WWOX: variants seen among roughly 807,000 people sequenced by gnomAD.
WWOX encodes WW domain containing oxidoreductase.
WWOX carries 69 observed loss-of-function variants against 46.2 expected under a neutral mutation model. That is an observed-to-expected ratio of 1.49 (90% CI 1.23 to 1.82). WWOX has a LOEUF of 1.82. Ranked by LOEUF, WWOX falls within the 40% of genes most tolerant of loss-of-function variation. The pLI is 0.00. For synonymous variants in WWOX, 359 were observed against 202.6 expected (o/e 1.77, Z -6.56); for missense variants, 919 against 542.6 (o/e 1.69, Z -6.89).
intron 8 of WWOX, chr16:78,891,468 C>G (rs1310864181): frequency 6.6e-6 from 1 of 152,164 alleles, no homozygotes; most frequent in African/African-American, 2.4e-5. Flanking sequence ...GTAGAAGTGA[C>G]TGGATGGTAA....
At chr16:79,157,887 G>A (rs954734213) in intron 8 of WWOX, among the ~76,000 whole-genome samples, 7 of 152,294 alleles carry the variant, frequency 4.6e-5, no homozygotes, top group African/African-American at 1.7e-4. Flanking sequence ...AGGCTCTGGG[G>A]AAGAGGGGCT....
At chr16:79,127,583 G>C (rs1309395703) in intron 8 of WWOX, among the ~76,000 whole-genome samples, 1 of 152,162 alleles carries the variant, frequency 6.6e-6, no homozygotes, top group Non-Finnish European at 1.5e-5. Flanking sequence ...ACCTTGCACC[G>C]ACATCGCTTC....
At chr16:78,374,869 A>G (rs997473734) in intron 5 of WWOX, among the ~76,000 whole-genome samples, 3 of 151,842 alleles carry the variant, frequency 2.0e-5, no homozygotes, top group Non-Finnish European at 2.9e-5. Flanking sequence ...CATTTTTAGT[A>G]GAGACGGGTT....
At chr16:78,836,017 T>G (rs553722844) in intron 8 of WWOX, among the ~76,000 whole-genome samples, 106 of 152,348 alleles carry the variant, frequency 7.0e-4, no homozygotes, top group Admixed American at 1.2e-3. Flanking sequence ...TCAATGTATT[T>G]CAACTCCAAA....
intron 8 of WWOX, among the ~76,000 whole-genome samples, chr16:79,083,097 G>A (rs1188116581): frequency 6.6e-6 from 1 of 152,134 alleles, no homozygotes; most frequent in Non-Finnish European, 1.5e-5. Flanking sequence ...AATGAATGAA[G>A]AACCTGACAC....
intron 5 of WWOX, among the ~76,000 whole-genome samples, chr16:78,281,400 C>A (rs765551555): frequency 6.6e-6 from 1 of 152,166 alleles, no homozygotes; most frequent in Non-Finnish European, 1.5e-5. Context: ...CTAAGAATAG[C>A]TTTTTCTTTT....
intron 8 of WWOX, among the ~76,000 whole-genome samples, chr16:78,483,684 A>G (rs908028464): frequency 6.6e-6 from 1 of 152,264 alleles, no homozygotes; most frequent in East Asian, 1.9e-4. Flanking sequence ...TACTTACTCA[A>G]TAATGTGTGG....
intron 5 of WWOX, among the ~76,000 whole-genome samples, chr16:78,327,457 A>AT (rs1191156314): frequency 6.6e-6 from 1 of 152,100 alleles, no homozygotes; most frequent in East Asian, 1.9e-4. Context: ...AGCATGACCC[A>AT]CTGGGCAGGA....
intron 8 of WWOX, among the ~76,000 whole-genome samples, chr16:78,802,132 ACGTG>A (rs2142658241): frequency 6.6e-6 from 1 of 151,560 alleles, no homozygotes; most frequent in African/African-American, 2.4e-5. Context: ...CTTAGATCAG[ACGTG>A]CTTTTGAAAT....
intron 8 of WWOX, among the ~76,000 whole-genome samples, chr16:78,456,557 A>G (rs369232891): frequency 2.6e-5 from 4 of 152,186 alleles, no homozygotes; most frequent in Admixed American, 6.5e-5. Flanking sequence ...ATAGAACAAT[A>G]TTTTAACATA....
intron 8 of WWOX, among the ~76,000 whole-genome samples, chr16:78,688,219 T>G (rs1440641684): frequency 6.6e-6 from 1 of 151,894 alleles, no homozygotes; most frequent in Admixed American, 6.5e-5. Flanking sequence ...TCCAAATGTT[T>G]TGAAACGCAG....
intron 5 of WWOX, among the ~76,000 whole-genome samples, chr16:78,304,864 C>G (rs914755996): frequency 7.2e-5 from 11 of 152,190 alleles, no homozygotes; most frequent in Admixed American, 4.6e-4. Flanking sequence ...CCATTTGACA[C>G]ATTTCGCTAG....
intron 4 of WWOX, among the ~76,000 whole-genome samples, chr16:78,148,047 G>A (rs1025713953): frequency 1.3e-5 from 2 of 152,040 alleles, no homozygotes. Context: ...GGCCTCAATG[G>A]TGAAAGGAAA....
At chr16:79,035,886 C>T (rs1371666921) in intron 8 of WWOX, among the ~76,000 whole-genome samples, 1 of 152,256 alleles carries the variant, frequency 6.6e-6, no homozygotes, top group African/African-American at 2.4e-5. Context: ...TGAGCCACTA[C>T]ACCCAGCCAA....
intron 8 of WWOX, among the ~76,000 whole-genome samples, chr16:78,983,699 C>T (rs904561053): frequency 1.3e-5 from 2 of 151,998 alleles, no homozygotes; most frequent in East Asian, 1.9e-4. Context: ...TGAATGACTG[C>T]GTGGAGCACA....
chr16:78,868,212 C>T (rs1027928651), intron 8 of WWOX, among the ~76,000 whole-genome samples: 4 of 152,164 alleles, frequency 2.6e-5, no homozygotes, highest in African/African-American at 9.7e-5. Context: ...GGAACTAACT[C>T]TGGATACCTT....
chr16:78,282,900 A>G (rs1391344098), intron 5 of WWOX, among the ~76,000 whole-genome samples: 4 of 136,946 alleles, frequency 2.9e-5, no homozygotes, highest in Non-Finnish European at 6.2e-5. Context: ...AAAAAAAAAA[A>G]GGACAGGGAA....
intron 8 of WWOX, among the ~76,000 whole-genome samples, chr16:78,758,801 T>C (rs1408210737): frequency 1.3e-5 from 2 of 152,052 alleles, no homozygotes; most frequent in Admixed American, 1.3e-4. Context: ...ACATTAGCAT[T>C]TGCTATAAGG....
rs1305123836 is a variant in WWOX at position 78,115,159 on chromosome 16, G to A, written c.409+5G>A. 6 of 1,614,024 alleles carry A rather than the reference G, an allele frequency of 3.7e-6. No homozygotes were observed. The highest frequency in any genetic ancestry group is 5.1e-6 in the Non-Finnish European group (6 of 1,180,020). ...CTGGAGCTAATTCAGGAATAGGTAG[G>A]CTCTTCACTTAGTTATTTATCTTTG... On this transcript the variant is annotated splice_donor_5th_base_variant and intron_variant, in intron 4 of 8. Transcript: ENST00000566780.
Sources: gnomAD v4.1 joint callset for allele counts (sites outside exome capture counted in the v4.1 genomes callset) on GRCh38, gnomAD v4.1.1 for gene constraint, MANE v1.5 for transcripts, NCBI Gene and HGNC (gene_info 2026-07-23, HGNC 2026-07-21) for gene names.